Variants in ADGRG6 observed in about 807,000 individuals in gnomAD.
ADGRG6 encodes the protein G-protein coupled receptor 126.
In ADGRG6, 84 loss-of-function variants were observed where a neutral mutation model predicts 142.4. That is an observed-to-expected ratio of 0.59 (90% CI 0.49 to 0.71). ADGRG6 has a LOEUF of 0.71. ADGRG6 is among the 30% of genes least tolerant of loss of function. ADGRG6 has a pLI of 0.00. For missense variants in ADGRG6, 1,367 were observed against 1,466.6 expected, an observed-to-expected ratio of 0.93 and a Z score of 1.11; for synonymous variants, 521 against 520.5, an observed-to-expected ratio of 1.00 and a Z score of -0.01.
At chr6:142,378,115 C>T (rs918018737) in intron 4 of ADGRG6, among the ~76,000 whole-genome samples, 1 of 152,172 alleles carries the variant, frequency 6.6e-6, no homozygotes, top group Non-Finnish European at 1.5e-5. Flanking sequence ...TGTTACTGTG[C>T]AATGAAACTG....
At chr6:142,353,459 A>G (rs1780283950) in intron 2 of ADGRG6, among the ~76,000 whole-genome samples, 3 of 152,278 alleles carry the variant, frequency 2.0e-5, no homozygotes, top group Middle Eastern at 6.8e-3. Flanking sequence ...CTTGCATCAA[A>G]TCAGTTGAGA....
At position 142,415,076 on chromosome 6, in the gene ADGRG6, C is replaced by G; in HGVS notation, c.2649C>G (p.Leu883=). Residue 883 remains leucine, a synonymous_variant, in exon 19 of 25, where the codon CTC becomes CTG. Transcript: ENST00000367609. ...CTGCTATTTTTTCAGCAGCAACTCTCCTGACATATGTTGCTTTTGAGTAAG... is the reference window on the plus strand; with the variant it reads ...CTGCTATTTTTTCAGCAGCAACTCTGCTGACATATGTTGCTTTTGAGTAAG... ...GISAIFSAAT[L]LTYVAFEKLR... The G allele has an allele frequency of 2.5e-6, 4 of 1,611,070 alleles. No homozygotes were observed. The highest frequency in any genetic ancestry group is 2.5e-6 in the Non-Finnish European group (3 of 1,178,294).
intron 2 of ADGRG6, among the ~76,000 whole-genome samples, chr6:142,357,452 T>G (rs930839244): frequency 6.6e-6 from 1 of 152,222 alleles, no homozygotes; most frequent in African/African-American, 2.4e-5. Context: ...TATTATGGAA[T>G]TTTTACATCA....
rs145851565 is a variant in ADGRG6 at position 142,317,065 on chromosome 6, C to A, written c.103+7421C>A. Among the ~76,000 whole-genome samples, 94 of 152,198 alleles carry A rather than the reference C, an allele frequency of 6.2e-4. 3 individuals carry two copies. In the East Asian group the frequency reaches 0.018, roughly 29 times the overall value. ...ATACTGCTGATAACCTAATGTTTCA[C>A]CAAACAATAGGGTTTGTGGTTTTTC... is the stretch of plus-strand genomic sequence containing the variant. On this transcript the variant is annotated intron_variant, in intron 2 of 24. Transcript: ENST00000367609.
chr6:142,381,115 T>C (rs1781749483), intron 4 of ADGRG6, among the ~76,000 whole-genome samples: 1 of 152,234 alleles, frequency 6.6e-6, no homozygotes, highest in Non-Finnish European at 1.5e-5. Context: ...TACCTAGTTA[T>C]GTATCTTTTG....
intron 6 of ADGRG6, among the ~76,000 whole-genome samples, chr6:142,385,208 T>C (rs1321941057): frequency 6.6e-6 from 1 of 152,220 alleles, no homozygotes; most frequent in Admixed American, 6.5e-5. Flanking sequence ...ATTTCTGACA[T>C]TCTTGAAGAA....
chr6:142,411,196 C>A, intron 17 of ADGRG6, 109 bp from the exon 18 acceptor site: 1 of 661,994 alleles, frequency 1.5e-6, no homozygotes, highest in Non-Finnish European at 2.8e-6. Flanking sequence ...TACAGATAAA[C>A]TCTGTATGGC....
chr6:142,338,573 C>T (rs967579272), intron 2 of ADGRG6, among the ~76,000 whole-genome samples: 13 of 151,100 alleles, frequency 8.6e-5, no homozygotes, highest in African/African-American at 3.1e-4. Context: ...AGTAGTTAAT[C>T]GATATATTAT....
intron 2 of ADGRG6, among the ~76,000 whole-genome samples, chr6:142,350,219 C>T (rs985079296): frequency 2.0e-5 from 3 of 152,104 alleles, no homozygotes; most frequent in African/African-American, 7.2e-5. Flanking sequence ...TGAAAATTTA[C>T]TTTCTGTGTT....
chr6:142,344,731 T>A (rs1779813881), intron 2 of ADGRG6, among the ~76,000 whole-genome samples: 1 of 151,944 alleles, frequency 6.6e-6, no homozygotes, highest in Non-Finnish European at 1.5e-5. Context: ...CTATTTGAGG[T>A]AATAATTGGT....
intron 2 of ADGRG6, among the ~76,000 whole-genome samples, chr6:142,318,249 TTA>T (rs1371378366): frequency 1.5e-5 from 1 of 67,838 alleles, no homozygotes; most frequent in African/African-American, 6.6e-5. Flanking sequence ...TATTTATATA[TTA>T]TATATATTTA....
chr6:142,391,722 GAGAGAGC>G (rs891362022), intron 7 of ADGRG6, among the ~76,000 whole-genome samples: 1 of 151,780 alleles, frequency 6.6e-6, no homozygotes, highest in African/African-American at 2.4e-5. Context: ...CCTCTCAATG[GAGAGAGC>G]AGGCTGCAGA....
chr6:142,440,699 G>A (rs1234903517), intron 24 of ADGRG6, among the ~76,000 whole-genome samples: 1 of 152,130 alleles, frequency 6.6e-6, no homozygotes, highest in Non-Finnish European at 1.5e-5. Context: ...AATATAGTTA[G>A]TTATATGGCA....
At position 142,415,781 on chromosome 6, in the gene ADGRG6, T is replaced by C; in HGVS notation, c.2670-15T>C. ...AGTATTAGTTCTCTCATAGATTCCTTTTTTCATTTTTTAGGAAATTGCGAA... is the reference window on the plus strand; with the variant it reads ...AGTATTAGTTCTCTCATAGATTCCTCTTTTCATTTTTTAGGAAATTGCGAA... On this transcript the variant is annotated splice_polypyrimidine_tract_variant and intron_variant, in intron 19 of 24. Transcript: ENST00000367609. 6.3e-7 allele frequency: 1 copy of C among 1,594,728 alleles called. No homozygotes were observed. The highest frequency in any genetic ancestry group is 8.6e-7 in the Non-Finnish European group (1 of 1,164,144).
chr6:142,348,964 G>A (rs1449452629), intron 2 of ADGRG6, among the ~76,000 whole-genome samples: 1 of 152,130 alleles, frequency 6.6e-6, no homozygotes, highest in Non-Finnish European at 1.5e-5. Context: ...CCTAAAGAGG[G>A]TTCTAAAATG....
chr6:142,303,113 T>G (rs978757361), intron 1 of ADGRG6, among the ~76,000 whole-genome samples: 2 of 152,216 alleles, frequency 1.3e-5, no homozygotes, highest in Non-Finnish European at 2.9e-5. Context: ...AGCTTATTTT[T>G]GTGGCCAACT....
At chr6:142,338,013 C>CTTTTTTTTTTTTTTTT (rs1779405902) in intron 2 of ADGRG6, among the ~76,000 whole-genome samples, 3 of 26,040 alleles carry the variant, frequency 1.2e-4, no homozygotes, top group African/African-American at 1.8e-4. Flanking sequence ...TGCCTTGTAT[C>CTTTTTTTTTTTTTTTT]TTTGTTTTTT....
At chr6:142,353,481 C>G (rs1191842912) in intron 2 of ADGRG6, among the ~76,000 whole-genome samples, 1 of 152,076 alleles carries the variant, frequency 6.6e-6, no homozygotes, top group Non-Finnish European at 1.5e-5. Flanking sequence ...TTGACATTAT[C>G]TTTTCTTTTT....
chr6:142,380,626 C>T (rs147705253), intron 4 of ADGRG6, among the ~76,000 whole-genome samples: 56 of 152,292 alleles, frequency 3.7e-4, no homozygotes, highest in African/African-American at 1.3e-3. Flanking sequence ...ATTCTGTCTG[C>T]CAGTAAAATA....
Sources: gnomAD v4.1 joint callset for allele counts (sites outside exome capture counted in the v4.1 genomes callset) on GRCh38, gnomAD v4.1.1 for gene constraint, MANE v1.5 for transcripts, NCBI Gene and HGNC (gene_info 2026-07-23, HGNC 2026-07-21) for gene names.